Variants in FOCAD observed in about 807,000 individuals in gnomAD.
The protein encoded by FOCAD is KIAA1797.
FOCAD carries 198 observed loss-of-function variants against 225.6 expected under a neutral mutation model. The ratio of observed to expected loss-of-function variants is 0.88; its 90% CI spans 0.78 to 0.99. The LOEUF is 0.99. Ranked by LOEUF, FOCAD falls within the 50% of genes least tolerant of loss-of-function variation. The pLI, the probability that FOCAD is intolerant of heterozygous loss-of-function variation, is 0.00. For synonymous variants in FOCAD, 897 were observed against 755.0 expected (o/e 1.19, Z -3.08); for missense variants, 2,713 against 2,123.6 (o/e 1.28, Z -5.46).
intron 2 of FOCAD, among the ~76,000 whole-genome samples, chr9:20,716,516 A>G (rs1004446481): frequency 1.3e-5 from 2 of 152,140 alleles, no homozygotes; most frequent in Non-Finnish European, 2.9e-5. Context: ...GATAAATTCA[A>G]CCTGGTGGGG....
Position 20,874,811 on chromosome 9 carries a change from A to G in FOCAD, c.2317+4A>G, listed in dbSNP as rs754766819. On this transcript the variant is annotated splice_donor_region_variant and intron_variant, in intron 19 of 43. Transcript: ENST00000338382. ...ACTCCCCCTTTGGTTTTACCAGGTG[A>G]CTCCTATTTGGTAGTAGAGAAGCTA... The G allele has an allele frequency of 1.9e-6, 3 of 1,613,152 alleles. No homozygotes were observed. In the African/African-American group the frequency reaches 4.0e-5, roughly 22 times the overall value.
At chr9:20,914,021 T>C (rs1833664651) in intron 23 of FOCAD, among the ~76,000 whole-genome samples, 1 of 152,012 alleles carries the variant, frequency 6.6e-6, no homozygotes, top group African/African-American at 2.4e-5. Context: ...TCCCAGCACT[T>C]TGGGAGGCCA....
At chr9:20,868,273 A>G (rs761492341) in intron 18 of FOCAD, among the ~76,000 whole-genome samples, 1 of 152,148 alleles carries the variant, frequency 6.6e-6, no homozygotes, top group Non-Finnish European at 1.5e-5. Context: ...CTTGTTTTTA[A>G]TAGGCAATTA....
chr9:20,935,005 T>C (rs913718282), intron 28 of FOCAD, among the ~76,000 whole-genome samples: 2 of 152,196 alleles, frequency 1.3e-5, no homozygotes, highest in African/African-American at 4.8e-5. Context: ...CCCATGCTCA[T>C]AGATGGGTAG....
intron 2 of FOCAD, among the ~76,000 whole-genome samples, chr9:20,679,171 G>GTA (rs1822325268): frequency 7.6e-6 from 1 of 131,866 alleles, no homozygotes; most frequent in Non-Finnish European, 1.7e-5. Flanking sequence ...GTGTGTGTGT[G>GTA]TTGGGGATGG....
intron 22 of FOCAD, among the ~76,000 whole-genome samples, chr9:20,908,818 T>G (rs1587574977): frequency 6.6e-6 from 1 of 152,084 alleles, no homozygotes; most frequent in Non-Finnish European, 1.5e-5. Flanking sequence ...TAAGCAATGT[T>G]GAATTTTTTC....
At chr9:20,857,349 G>C (rs1178984600) in intron 15 of FOCAD, among the ~76,000 whole-genome samples, 1 of 151,546 alleles carries the variant, frequency 6.6e-6, no homozygotes, top group Non-Finnish European at 1.5e-5. Context: ...TTTATTTTAT[G>C]TGTAGATATT....
At chr9:20,725,665 G>A (rs935580701) in intron 4 of FOCAD, among the ~76,000 whole-genome samples, 4 of 152,130 alleles carry the variant, frequency 2.6e-5, no homozygotes, top group African/African-American at 7.2e-5. Context: ...ATGGAAGCCC[G>A]CCTCCCACCT....
chr9:20,876,413 C>T (rs1353997757), intron 19 of FOCAD, among the ~76,000 whole-genome samples: 2 of 152,154 alleles, frequency 1.3e-5, no homozygotes, highest in African/African-American at 4.8e-5. Flanking sequence ...ATCACAGTCT[C>T]TGGTGTTAGA....
At chr9:20,844,705 G>A (rs1423705146) in intron 15 of FOCAD, among the ~76,000 whole-genome samples, 1 of 151,982 alleles carries the variant, frequency 6.6e-6, no homozygotes, top group Non-Finnish European at 1.5e-5. Flanking sequence ...CAGTTGTGAT[G>A]AAATCTACAA....
chr9:20,949,569 G>A (rs1307543138), intron 32 of FOCAD, 35 bp from the exon 33 acceptor site: 1 of 1,553,192 alleles, frequency 6.4e-7, no homozygotes, highest in South Asian at 1.1e-5. Flanking sequence ...TTTTATGGGG[G>A]TGGGTGGGAT....
At chr9:20,798,620 C>G (rs914479964) in intron 11 of FOCAD, among the ~76,000 whole-genome samples, 8 of 152,010 alleles carry the variant, frequency 5.3e-5, no homozygotes, top group South Asian at 2.1e-4. Context: ...TCTAGATTTT[C>G]TAGTTTATTT....
intron 10 of FOCAD, 146 bp from the exon 11 acceptor site, chr9:20,789,205 A>T: frequency 1.2e-6 from 1 of 841,518 alleles, no homozygotes; most frequent in Non-Finnish European, 1.8e-6. Flanking sequence ...AAATATGTGC[A>T]GAGAGGATTT....
At chr9:20,709,112 T>A (rs571788685) in intron 1 of FOCAD, among the ~76,000 whole-genome samples, 7 of 152,334 alleles carry the variant, frequency 4.6e-5, no homozygotes, top group African/African-American at 1.7e-4. Context: ...GCTCTTTTAT[T>A]AGTGCAATTG....
At chr9:20,822,882 G>T in intron 14 of FOCAD, 107 bp from the exon 15 acceptor site, 2 of 1,039,848 alleles carry the variant, frequency 1.9e-6, no homozygotes, top group Non-Finnish European at 1.3e-6. Context: ...CCATTTAGTG[G>T]CACAAGAGTA....
chr9:20,971,452 G>A (rs10115716), intron 35 of FOCAD, among the ~76,000 whole-genome samples: 2,118 of 150,868 alleles, frequency 0.014, 59 homozygotes, highest in African/African-American at 0.049. Flanking sequence ...TTTTTTTGGT[G>A]GGGGAGGACA....
chr9:20,885,505 A>T (rs967860029), intron 21 of FOCAD: 3 of 186,384 alleles, frequency 1.6e-5, no homozygotes, highest in Non-Finnish European at 3.3e-5. Context: ...ATTATTCAGA[A>T]TAAATATCAA....
chr9:20,789,678 C>G, intron 11 of FOCAD, 70 bp downstream of exon 11: 1 of 1,548,564 alleles, frequency 6.5e-7, no homozygotes, highest in Middle Eastern at 1.7e-4. Flanking sequence ...ATTATTCCTG[C>G]TTTGTGGATT....
intron 15 of FOCAD, among the ~76,000 whole-genome samples, chr9:20,849,455 A>G (rs1165901867): frequency 1.3e-5 from 2 of 151,810 alleles, no homozygotes; most frequent in Non-Finnish European, 2.9e-5. Context: ...ATAGTCAGTC[A>G]ACCTTAATGT....
Sources: allele counts gnomAD v4.1 joint callset (sites outside exome capture counted in the v4.1 genomes callset), GRCh38; gene constraint gnomAD v4.1.1; transcripts MANE v1.5; gene names NCBI Gene and HGNC (gene_info 2026-07-23, HGNC 2026-07-21).